CNTNAP2: variants seen among roughly 807,000 people sequenced by gnomAD.
CNTNAP2 encodes the protein contactin associated protein 2, also known as contactin-associated protein-like 2.
In CNTNAP2, 98 loss-of-function variants were observed where a neutral mutation model predicts 155.2. The observed-to-expected ratio is 0.63, with a 90% confidence interval of 0.54 to 0.75. The LOEUF (loss-of-function observed/expected upper bound fraction) is 0.75, where lower values mean the gene tolerates loss of function less well. Ranked by LOEUF, CNTNAP2 falls within the 30% of genes least tolerant of loss-of-function variation. The probability of loss-of-function intolerance (pLI) is 0.00; values close to 1 mark genes in which losing one functional copy is unlikely to be tolerated. For synonymous variants in CNTNAP2, 651 were observed against 631.2 expected (o/e 1.03, Z -0.47); for missense variants, 1,727 against 1,688.1 (o/e 1.02, Z -0.40).
At chr7:146,275,301 A>G (rs1472863404) in intron 1 of CNTNAP2, among the ~76,000 whole-genome samples, 1 of 152,206 alleles carries the variant, frequency 6.6e-6, no homozygotes, top group Non-Finnish European at 1.5e-5. Context: ...AAAATGTTAA[A>G]AAATAGTAAC....
intron 20 of CNTNAP2, among the ~76,000 whole-genome samples, chr7:148,258,479 A>G (rs941028735): frequency 2.6e-5 from 4 of 152,078 alleles, no homozygotes; most frequent in African/African-American, 7.2e-5. Context: ...GCTTGTTCGT[A>G]TTTTCAATTG....
At chr7:146,526,356 C>T (rs930109473) in intron 1 of CNTNAP2, among the ~76,000 whole-genome samples, 6 of 152,128 alleles carry the variant, frequency 3.9e-5, no homozygotes, top group African/African-American at 1.4e-4. Flanking sequence ...TCATGCTTTA[C>T]AGGAAGTGTG....
At chr7:146,631,521 A>T (rs1265077133) in intron 1 of CNTNAP2, among the ~76,000 whole-genome samples, 2 of 152,098 alleles carry the variant, frequency 1.3e-5, no homozygotes, top group South Asian at 4.2e-4. Context: ...GAGCCTTCTG[A>T]GTATTTGATG....
At chr7:147,084,809 T>C (rs1800237554) in intron 4 of CNTNAP2, among the ~76,000 whole-genome samples, 1 of 147,834 alleles carries the variant, frequency 6.8e-6, no homozygotes, top group Non-Finnish European at 1.5e-5. Flanking sequence ...TAATTTTATG[T>C]ATTTTATTAT....
At chr7:148,297,493 G>A (rs1454617870) in intron 21 of CNTNAP2, among the ~76,000 whole-genome samples, 2 of 152,158 alleles carry the variant, frequency 1.3e-5, no homozygotes, top group Non-Finnish European at 2.9e-5. Context: ...ATGGGAGATT[G>A]CTCATTATGG....
At chr7:148,282,981 T>A (rs1232850815) in intron 21 of CNTNAP2, among the ~76,000 whole-genome samples, 1 of 151,874 alleles carries the variant, frequency 6.6e-6, no homozygotes, top group African/African-American at 2.4e-5. Flanking sequence ...ACACCTGTAA[T>A]CCCAGCACTT....
intron 1 of CNTNAP2, among the ~76,000 whole-genome samples, chr7:146,285,712 TCCCC>T (rs1426558693): frequency 2.4e-4 from 4 of 16,578 alleles, no homozygotes; most frequent in African/African-American, 1.2e-3. Flanking sequence ...TCCCCTCCCC[TCCCC>T]TCCCCTCCCT....
intron 1 of CNTNAP2, among the ~76,000 whole-genome samples, chr7:146,607,533 G>A (rs1177347934): frequency 6.6e-6 from 1 of 152,100 alleles, no homozygotes; most frequent in Non-Finnish European, 1.5e-5. Context: ...CTGGAGTACA[G>A]TGGTGCAATC....
At chr7:146,243,692 C>T (rs1280223441) in intron 1 of CNTNAP2, among the ~76,000 whole-genome samples, 2 of 151,876 alleles carry the variant, frequency 1.3e-5, no homozygotes, top group African/African-American at 4.8e-5. Context: ...CTGGTAAAAT[C>T]CATTAAATTC....
chr7:147,276,329 C>T (rs1025594016), intron 8 of CNTNAP2, among the ~76,000 whole-genome samples: 1 of 151,148 alleles, frequency 6.6e-6, no homozygotes, highest in African/African-American at 2.4e-5. Context: ...TTTTGTTGTT[C>T]TTGGAAGATT....
intron 1 of CNTNAP2, among the ~76,000 whole-genome samples, chr7:146,501,497 G>A (rs942549052): frequency 2.0e-5 from 3 of 151,798 alleles, no homozygotes; most frequent in African/African-American, 7.3e-5. Flanking sequence ...TCACTTGTAG[G>A]CATAGAATTG....
intron 1 of CNTNAP2, among the ~76,000 whole-genome samples, chr7:146,314,908 G>A (rs983581581): frequency 1.3e-5 from 2 of 152,140 alleles, no homozygotes; most frequent in East Asian, 1.9e-4. Context: ...AAGAGATTGC[G>A]GAGTTTATCT....
At chr7:146,121,118 CCTTTT>C (rs1393798562) in intron 1 of CNTNAP2, among the ~76,000 whole-genome samples, 1 of 106,696 alleles carries the variant, frequency 9.4e-6, no homozygotes, top group African/African-American at 3.4e-5. Context: ...CATAAAGCTT[CCTTTT>C]TTTTTTTTTT....
At chr7:147,416,661 C>T (rs1211184012) in intron 10 of CNTNAP2, among the ~76,000 whole-genome samples, 1 of 152,124 alleles carries the variant, frequency 6.6e-6, no homozygotes, top group African/African-American at 2.4e-5. Flanking sequence ...ACATATGGTT[C>T]GGCTGCTAGG....
chr7:146,622,243 ATATCTATCTATCTATCTATCTATC>A (rs71165020), intron 1 of CNTNAP2, among the ~76,000 whole-genome samples: 8 of 144,404 alleles, frequency 5.5e-5, no homozygotes, highest in African/African-American at 1.9e-4. Context: ...ATGTGTGTGT[ATATCTATCTATCTATCTATCTATC>A]TATCTATCTA....
At chr7:147,014,561 T>C (rs985655203) in intron 3 of CNTNAP2, among the ~76,000 whole-genome samples, 5 of 152,152 alleles carry the variant, frequency 3.3e-5, no homozygotes, top group African/African-American at 4.8e-5. Context: ...TAAGATCCAA[T>C]AATCCAAATA....
Position 146,748,327 on chromosome 7 carries a change from G to T in CNTNAP2, c.98-25944G>T, listed in dbSNP as rs193044760. Reference sequence around the variant, plus strand: ...CGCCCAGCTAATTTTTTGTATTTTTGTTAGAGACGGGGTTTCACCGTGTTA... The same window carrying T: ...CGCCCAGCTAATTTTTTGTATTTTTTTTAGAGACGGGGTTTCACCGTGTTA... On this transcript the variant is annotated intron_variant, in intron 1 of 23. Coordinates refer to ENST00000361727, the MANE Select transcript of CNTNAP2 (RefSeq NM_014141.6). Among the ~76,000 whole-genome samples, 540 of 151,344 alleles carry T rather than the reference G, an allele frequency of 3.6e-3. 8 individuals carry two copies. In the East Asian group the frequency reaches 0.045, roughly 13 times the overall value.
At chr7:147,186,561 G>T (rs1437618244) in intron 8 of CNTNAP2, among the ~76,000 whole-genome samples, 1 of 152,130 alleles carries the variant, frequency 6.6e-6, no homozygotes, top group Non-Finnish European at 1.5e-5. Context: ...CCTTTATAGA[G>T]GGAAGATCAC....
intron 1 of CNTNAP2, among the ~76,000 whole-genome samples, chr7:146,682,900 A>G (rs1800529974): frequency 6.6e-6 from 1 of 152,150 alleles, no homozygotes; most frequent in Non-Finnish European, 1.5e-5. Flanking sequence ...CCTGGTAGTA[A>G]TTTATAGGTG....
Sources: allele counts gnomAD v4.1 joint callset (sites outside exome capture counted in the v4.1 genomes callset), GRCh38; gene constraint gnomAD v4.1.1; transcripts MANE v1.5; gene names NCBI Gene and HGNC (gene_info 2026-07-23, HGNC 2026-07-21).